Variants in MATK observed in about 807,000 individuals in gnomAD.
The protein encoded by MATK is megakaryocyte-associated tyrosine kinase, also known as megakaryocyte-associated tyrosine-protein kinase.
MATK carries 41 observed loss-of-function variants against 59.8 expected under a neutral mutation model. The observed-to-expected ratio is 0.69, with a 90% CI of 0.53 to 0.89. The LOEUF (loss-of-function observed/expected upper bound fraction) is 0.89. Among genes scored for constraint, MATK ranks in the 40% least tolerant of loss-of-function variants. The pLI is 0.00. For synonymous variants in MATK, 308 were observed against 306.1 expected (o/e 1.01, Z -0.06); for missense variants, 593 against 719.6 (o/e 0.82, Z 2.01).
At chr19:3,800,922 G>T (rs866862242) in intron 1 of MATK, among the ~76,000 whole-genome samples, 1 of 151,938 alleles carries the variant, frequency 6.6e-6, no homozygotes, top group Non-Finnish European at 1.5e-5. Flanking sequence ...GTGCAGTGGC[G>T]CAATCTCGGC....
chr19:3,799,355 C>A (rs1478929012), intron 1 of MATK, among the ~76,000 whole-genome samples: 3 of 152,174 alleles, frequency 2.0e-5, no homozygotes, highest in African/African-American at 7.2e-5. Context: ...CCCAGAGTCA[C>A]CCTCACTGCG....
upstream of MATK, among the ~76,000 whole-genome samples, chr19:3,790,533 G>A (rs562758776): frequency 6.6e-6 from 1 of 152,320 alleles, no homozygotes; most frequent in Admixed American, 6.5e-5. Context: ...GCCTGCAGGA[G>A]AGAGCCTAAA....
At chr19:3,800,578 G>A (rs2037634259) in intron 1 of MATK, among the ~76,000 whole-genome samples, 1 of 152,008 alleles carries the variant, frequency 6.6e-6, no homozygotes, top group African/African-American at 2.4e-5. Flanking sequence ...CCCAGGAGGC[G>A]GAGGTTGTGG....
Position 3,779,013 on chromosome 19 carries a change from C to T in MATK, c.1176G>A (p.Ala392=), listed in dbSNP as rs140717053. 26 of 1,576,802 alleles carry T rather than the reference C, an allele frequency of 1.6e-5. No homozygotes were observed. In the African/African-American group the frequency reaches 1.9e-4, roughly 11 times the overall value. Residue 392 remains alanine (A), a synonymous_variant, in exon 12 of 14, where the codon GCG becomes GCA. Transcript: ENST00000310132. ...DSSRLPVKWT[A]PEALKHGKFT... The stretch of plus-strand genomic sequence containing the variant: ...TCACCCCGTGTTTGAGAGCCTCGGG[C>T]GCCGTCCACTTGACGGGCAGCCGGC...
At chr19:3,781,138 C>T (rs1198431881) in intron 8 of MATK, among the ~76,000 whole-genome samples, 1 of 152,150 alleles carries the variant, frequency 6.6e-6, no homozygotes, top group African/African-American at 2.4e-5. Context: ...TTTTCATGGC[C>T]ACGCCCATAT....
chr19:3,796,522 T>G (rs899588647), intron 1 of MATK, among the ~76,000 whole-genome samples: 30 of 152,182 alleles, frequency 2.0e-4, no homozygotes, highest in African/African-American at 7.2e-4. Flanking sequence ...CAATGTATAC[T>G]AAGAACATTA....
intron 1 of MATK, among the ~76,000 whole-genome samples, chr19:3,794,015 T>C (rs1040682589): frequency 3.9e-4 from 60 of 152,266 alleles, no homozygotes; most frequent in African/African-American, 1.3e-3. Flanking sequence ...AGCTCAGGCA[T>C]GGGGCAGCCA....
At position 3,778,427 on chromosome 19, in the gene MATK, G is replaced by A. The variant is rs372411274; in HGVS notation, c.1285-5C>T. ...CTCCGACACCTCTTTCAGTGACTGCGGACAGCAGGCGTGGGCAGGGGTCAG... is the reference window on the plus strand; with the variant it reads ...CTCCGACACCTCTTTCAGTGACTGCAGACAGCAGGCGTGGGCAGGGGTCAG... On this transcript the variant is annotated splice_polypyrimidine_tract_variant and splice_region_variant and intron_variant, in intron 13 of 13. Transcript: ENST00000310132. 225 of 1,613,222 alleles carry A rather than the reference G, an allele frequency of 1.4e-4. No individual in the cohort carries two copies. The highest frequency in any genetic ancestry group is 5.0e-5 in the Admixed American group (3 of 59,988).
rs376394625 is a variant in MATK at position 3,778,362 on chromosome 19, A to G, written c.1345T>C (p.Cys449Arg). The change falls in exon 14 of 14, where the codon TGT (cysteine) becomes CGT (arginine). Residue 449 changes from cysteine to arginine, a missense_variant. Coordinates refer to ENST00000310132, the MANE Select transcript of MATK (RefSeq NM_139355.3). ...KGYRMEPPEG[C>R]PGPVHVLMSS... Reference sequence around the variant, plus strand: ...ATGAGGACGTGCACGGGGCCTGGACAGCCCTCGGGGGGTTCCATGCGGTAC... The same window carrying G: ...ATGAGGACGTGCACGGGGCCTGGACGGCCCTCGGGGGGTTCCATGCGGTAC... 5.0e-6 allele frequency: 8 copies of G among 1,600,266 alleles called. No individual in the cohort carries two copies. Among genetic ancestry groups the G allele is most frequent in the Non-Finnish European group, 6.0e-6 (7 of 1,174,556 alleles).
chr19:3,800,649 G>GA (rs377731633), intron 1 of MATK, among the ~76,000 whole-genome samples: 15 of 150,020 alleles, frequency 1.0e-4, no homozygotes, highest in South Asian at 4.2e-4. Flanking sequence ...TCCGTCTTCA[G>GA]AAAAAAAAAG....
chr19:3,786,502 C>T (rs1329237466), upstream of MATK: 2 of 644,590 alleles, frequency 3.1e-6, no homozygotes, highest in Admixed American at 6.4e-5. The surrounding 1 kb of genome is among the most constrained non-coding windows in gnomAD (Gnocchi z 4.1). Context: ...CACGCCTGGC[C>T]CTGACCTGGC....
Position 3,784,035 on chromosome 19 carries a change from T to C in MATK, c.363-2A>G. 6.2e-7 allele frequency: 1 copy of C among 1,602,276 alleles called. No individual in the cohort carries two copies. The highest frequency in any genetic ancestry group is 8.5e-7 in the Non-Finnish European group (1 of 1,173,070). ...CCCGAGATCTTCCCGTGGAACCACC[T>C]GCGGCCACGGAAGGGGTGGGTCAGA... is the stretch of plus-strand genomic sequence containing the variant. On this transcript the variant is annotated splice_acceptor_variant, in intron 5 of 13. Coordinates refer to ENST00000310132, the MANE Select transcript of MATK (RefSeq NM_139355.3). LOFTEE classifies it high-confidence loss of function.
At chr19:3,782,206 T>C (rs1421865686) in intron 7 of MATK, among the ~76,000 whole-genome samples, 1 of 152,208 alleles carries the variant, frequency 6.6e-6, no homozygotes, top group African/African-American at 2.4e-5. Flanking sequence ...TCCAGGGCTC[T>C]AGCCTCCCTG....
At chr19:3,796,290 G>T (rs1221311719) in intron 1 of MATK, among the ~76,000 whole-genome samples, 2 of 152,108 alleles carry the variant, frequency 1.3e-5, no homozygotes, top group African/African-American at 4.8e-5. Context: ...AGGGGTTGCT[G>T]TTGCTGTTTT....
chr19:3,788,093 A>T (rs1421080496), upstream of MATK, among the ~76,000 whole-genome samples: 29 of 128,952 alleles, frequency 2.2e-4, no homozygotes, highest in African/African-American at 7.6e-4. Context: ...TTATATTATT[A>T]ATATTTATAT....
At chr19:3,795,970 C>T (rs1368452676) in intron 1 of MATK, among the ~76,000 whole-genome samples, 1 of 151,748 alleles carries the variant, frequency 6.6e-6, no homozygotes, top group Non-Finnish European at 1.5e-5. Context: ...CCATGTTGGC[C>T]AGGCTGGTCT....
chr19:3,800,802 A>T (rs933316670), intron 1 of MATK, among the ~76,000 whole-genome samples: 2 of 152,200 alleles, frequency 1.3e-5, no homozygotes, highest in African/African-American at 4.8e-5. Flanking sequence ...ATGAGTAAAA[A>T]CATTTATGTG....
intron 1 of MATK, among the ~76,000 whole-genome samples, chr19:3,794,746 A>G (rs546701908): frequency 8.5e-5 from 13 of 152,188 alleles, no homozygotes; most frequent in African/African-American, 3.1e-4. Flanking sequence ...GCAGCCCCTA[A>G]GTCTCTCCTC....
At chr19:3,788,619 C>CA (rs1171553701), upstream of MATK, among the ~76,000 whole-genome samples, 1,718 of 70,050 alleles carry the variant, frequency 0.025, 27 homozygotes, top group African/African-American at 0.077. Context: ...ACTCTGTCTC[C>CA]AAAAAAAAAA....
Sources: gnomAD v4.1 joint callset for allele counts (sites outside exome capture counted in the v4.1 genomes callset) on GRCh38, gnomAD v4.1.1 for gene constraint, Gnocchi (gnomAD v3.1) non-coding constraint, MANE v1.5 for transcripts, NCBI Gene and HGNC (gene_info 2026-07-23, HGNC 2026-07-21) for gene names.